The following TFDP2 variants were observed in gnomAD, a reference collection of about 807,000 sequenced individuals.
TFDP2 encodes the protein transcription factor Dp-2.
A neutral mutation model predicts 59.3 loss-of-function variants in TFDP2; 17 were observed. The observed-to-expected ratio is 0.29, with a 90% CI of 0.20 to 0.43. The LOEUF (loss-of-function observed/expected upper bound fraction) is 0.43, where lower values mean the gene tolerates loss of function less well. TFDP2 is among the 20% of genes least tolerant of loss of function. The pLI is 1.00. For synonymous variants in TFDP2, 180 were observed against 194.7 expected, an observed-to-expected ratio of 0.92 and a Z score of 0.63; for missense variants, 391 against 528.8, an observed-to-expected ratio of 0.74 and a Z score of 2.56.
Position 142,005,510 on chromosome 3 carries a change from A to G in TFDP2, c.117T>C (p.Asn39=), listed in dbSNP as rs2108266499. The G allele has an allele frequency of 6.2e-7, 1 of 1,607,258 alleles. No homozygotes were observed. The highest frequency in any genetic ancestry group is 2.2e-5 in the East Asian group (1 of 44,748). Residue 39 remains asparagine, a synonymous_variant, in exon 4 of 13, where the codon AAT becomes AAC. Coordinates refer to ENST00000489671, the MANE Select transcript of TFDP2 (RefSeq NM_001178139.2). The part of the protein sequence containing the change: ...NISFVAFPVS[N]TNSPTKILPK... The stretch of plus-strand genomic sequence containing the variant: ...GTAAAATCTTTGTAGGTGAGTTGGT[A>G]TTGGAAACTGGAAATGCAACAAATG...
intron 3 of TFDP2, among the ~76,000 whole-genome samples, chr3:142,060,500 G>C (rs1458630325): frequency 6.6e-6 from 1 of 152,170 alleles, no homozygotes; most frequent in Non-Finnish European, 1.5e-5. Flanking sequence ...CACTATGCTA[G>C]GTACAAGTCC....
Position 141,959,805 on chromosome 3 carries a change from T to A in TFDP2, c.920A>T (p.Glu307Val), listed in dbSNP as rs914699491. 3.0e-5 allele frequency: 48 copies of A among 1,613,970 alleles called. No individual in the cohort carries two copies. The highest frequency in any genetic ancestry group is 4.0e-5 in the Non-Finnish European group (47 of 1,180,022). ...EYLFNFDNTF[E>V]IHDDIEVLKR... is the part of the protein sequence containing the mutation. ...TAGTACTTCTATGTCATCATGGATC[T>A]CAAAGGTGTTGTCAAAATTGAAAAG... Residue 307 changes from glutamate to valine, a missense_variant, in exon 11 of 13, where the codon GAG becomes GTG. Glu to Val is a moderately radical substitution (Grantham distance 121). Transcript: ENST00000489671.
At chr3:142,129,290 GAAGT>G (rs1445383926) in intron 1 of TFDP2, among the ~76,000 whole-genome samples, 1 of 147,266 alleles carries the variant, frequency 6.8e-6, no homozygotes, top group Non-Finnish European at 1.5e-5. Flanking sequence ...GTTGCTGGAG[GAAGT>G]AACAGCTAAA....
In TFDP2 at chr3:142,015,577, C is replaced by T. The variant is rs142349599; in HGVS notation, c.83-10033G>A. Among the ~76,000 whole-genome samples, 83 of 152,310 alleles carry T rather than the reference C, an allele frequency of 5.4e-4. 2 individuals carry two copies. In the East Asian group the frequency reaches 0.012, roughly 22 times the overall value. On this transcript the variant is annotated intron_variant, in intron 3 of 12. Transcript: ENST00000489671. ...AAATACAGCTTGAATACAACCACTTCTCACCTACTCCTCTGCTAACACTCT... is the reference window on the plus strand; with the variant it reads ...AAATACAGCTTGAATACAACCACTTTTCACCTACTCCTCTGCTAACACTCT...
intron 1 of TFDP2, among the ~76,000 whole-genome samples, chr3:142,138,817 A>C (rs988850934): frequency 8.5e-5 from 13 of 152,122 alleles, no homozygotes; most frequent in African/African-American, 2.9e-4. Flanking sequence ...AATAAGTGTG[A>C]TATGGTGCTG....
chr3:142,149,458 C>A lies in TFDP2; in HGVS notation c.-368G>T. On this transcript the variant is annotated 5_prime_UTR_variant, in exon 1 of 13. Transcript: ENST00000489671. ...GCTGCGGCAGCGCCGCAGCCGAGATCGCTACCGATTTCGTCCGCCCTCTCC... is the reference window on the plus strand; with the variant it reads ...GCTGCGGCAGCGCCGCAGCCGAGATAGCTACCGATTTCGTCCGCCCTCTCC... 2.7e-6 allele frequency: 1 copy of A among 375,046 alleles called. No homozygotes were observed. The highest frequency in any genetic ancestry group is 4.7e-6 in the Non-Finnish European group (1 of 211,276). The allele number at this position is 375,046 out of a possible 1,614,324, so 23.2% of individuals were successfully genotyped here.
At chr3:142,078,417 C>G (rs2060535873) in intron 3 of TFDP2, among the ~76,000 whole-genome samples, 1 of 152,200 alleles carries the variant, frequency 6.6e-6, no homozygotes, top group African/African-American at 2.4e-5. Context: ...CCTCCCCTAT[C>G]TCCAGGCAGC....
At chr3:142,095,219 T>C (rs2061124648) in intron 2 of TFDP2, among the ~76,000 whole-genome samples, 2 of 152,000 alleles carry the variant, frequency 1.3e-5, no homozygotes, top group Non-Finnish European at 2.9e-5. Context: ...CAAACTCCTG[T>C]CCTCAAGTGA....
chr3:142,050,271 A>AT (rs1334741300), intron 3 of TFDP2, among the ~76,000 whole-genome samples: 14 of 150,604 alleles, frequency 9.3e-5, no homozygotes, highest in African/African-American at 3.4e-4. Flanking sequence ...CTCAAAAAAA[A>AT]AAAAATAATA....
chr3:142,092,331 CT>C (rs200250132), intron 3 of TFDP2, among the ~76,000 whole-genome samples: 50 of 151,772 alleles, frequency 3.3e-4, no homozygotes, highest in Non-Finnish European at 1.3e-4. Context: ...GGTCAGAATA[CT>C]TTTTTTTCTT....
intron 3 of TFDP2, among the ~76,000 whole-genome samples, chr3:142,055,057 A>G (rs997299732): frequency 6.6e-6 from 1 of 152,228 alleles, no homozygotes; most frequent in African/African-American, 2.4e-5. Context: ...AGAGATAACT[A>G]GTTTGTGGCA....
At chr3:142,088,145 TAGTA>T (rs369655386) in intron 3 of TFDP2, among the ~76,000 whole-genome samples, 322 of 152,320 alleles carry the variant, frequency 2.1e-3, no homozygotes, top group African/African-American at 7.4e-3. Flanking sequence ...GCCTGGCACA[TAGTA>T]AGTAAGTACT....
chr3:142,034,939 C>A (rs1477635340), intron 3 of TFDP2, among the ~76,000 whole-genome samples: 1 of 152,122 alleles, frequency 6.6e-6, no homozygotes, highest in Non-Finnish European at 1.5e-5. Context: ...ATCTCCTGAC[C>A]TCGTGATCCG....
In TFDP2 at chr3:142,073,339, ACT is replaced by A. The variant is rs1258884825; in HGVS notation, c.82+19720_82+19721del. Reference sequence around the variant, plus strand: ...GAAACTGAGTGAAGGGTATAAAGTAACTCTGTACTATCTTCAAAATTTTTCTG... The same window carrying A: ...GAAACTGAGTGAAGGGTATAAAGTAACTGTACTATCTTCAAAATTTTTCTG... On this transcript the variant is annotated intron_variant, in intron 3 of 12. Transcript: ENST00000489671. 9.2e-5 allele frequency among the ~76,000 whole-genome samples: 14 copies of A among 152,032 alleles called. No homozygotes were observed. The South Asian group carries it at 2.7e-3, about 29-fold the overall frequency.
chr3:142,095,060 G>A lies in TFDP2; in HGVS notation c.16-1933C>T, dbSNP rs147068471. ...GGCTGGAGTGCAGTGGCACAATCTC[G>A]GCTTACTGTAACCTCTGCGTCCCGG... On this transcript the variant is annotated intron_variant, in intron 2 of 12. Coordinates refer to ENST00000489671, the MANE Select transcript of TFDP2 (RefSeq NM_001178139.2). Among the ~76,000 whole-genome samples the A allele has an allele frequency of 1.1e-3, 170 of 151,252 alleles. 2 individuals carry two copies. The highest frequency in any genetic ancestry group is 3.9e-3 in the African/African-American group (161 of 41,172).
chr3:141,954,624 C>CA (rs1320582093), intron 11 of TFDP2, among the ~76,000 whole-genome samples: 17 of 58,928 alleles, frequency 2.9e-4, no homozygotes, highest in African/African-American at 4.0e-4. Flanking sequence ...GTGACTGTCT[C>CA]AAAAAAAACA....
At chr3:141,974,907 C>CTTCTTCTTCTTCTTTTT (rs1553762313) in intron 7 of TFDP2, among the ~76,000 whole-genome samples, 5 of 90,500 alleles carry the variant, frequency 5.5e-5, no homozygotes, top group Non-Finnish European at 8.3e-5. Context: ...TCTTCTTCTT[C>CTTCTTCTTCTTCTTTTT]TTTTTTTTTT....
At chr3:142,114,685 C>A (rs1417628201) in intron 1 of TFDP2, among the ~76,000 whole-genome samples, 1 of 151,236 alleles carries the variant, frequency 6.6e-6, no homozygotes, top group Non-Finnish European at 1.5e-5. Context: ...CTTAAAAACA[C>A]CTTTGGAAAG....
chr3:141,971,221 CATTT>C (rs766657131), intron 8 of TFDP2, among the ~76,000 whole-genome samples: 3 of 151,442 alleles, frequency 2.0e-5, no homozygotes, highest in Non-Finnish European at 4.4e-5. Context: ...AAGCCAATGA[CATTT>C]ATTAAGAAAA....
Sources: allele counts gnomAD v4.1 joint callset (sites outside exome capture counted in the v4.1 genomes callset), GRCh38; gene constraint gnomAD v4.1.1; transcripts MANE v1.5; gene names NCBI Gene and HGNC (gene_info 2026-07-23, HGNC 2026-07-21).